Variants in GRIK4 observed in about 807,000 individuals in gnomAD.
The protein encoded by GRIK4 is glutamate receptor ionotropic, kainate 4.
Under a neutral mutation model 104.9 loss-of-function variants are expected in GRIK4, and 40 were observed. The ratio of observed to expected loss-of-function variants is 0.38; its 90% CI spans 0.30 to 0.50. The LOEUF (loss-of-function observed/expected upper bound fraction) is 0.50. Ranked by LOEUF, GRIK4 falls within the 20% of genes least tolerant of loss-of-function variation. The pLI is 0.93. For missense variants in GRIK4, 1,047 were observed against 1,308.1 expected (o/e 0.80, Z 3.08); for synonymous variants, 485 against 524.9 (o/e 0.92, Z 1.04).
At chr11:120,580,922 G>A (rs1387884649) in intron 1 of GRIK4, among the ~76,000 whole-genome samples, 2 of 152,086 alleles carry the variant, frequency 1.3e-5, no homozygotes, top group Non-Finnish European at 2.9e-5. Flanking sequence ...ATCCTCACTA[G>A]TATTATCCTT....
chr11:120,708,855 C>A lies in GRIK4; in HGVS notation c.82+48455C>A, dbSNP rs556482682. The stretch of plus-strand genomic sequence containing the variant: ...TTCTCTTCTGTCTCCCACCTCTTAC[C>A]CCCTCCCGTGCTGTTGGAGGTTGGT... On this transcript the variant is annotated intron_variant, in intron 3 of 20. Transcript: ENST00000527524. 3.9e-5 allele frequency among the ~76,000 whole-genome samples: 6 copies of A among 152,200 alleles called. No individual in the cohort carries two copies. In the East Asian group the frequency reaches 1.2e-3, roughly 29 times the overall value.
In GRIK4 at chr11:120,524,565, C is replaced by T. The variant is rs985537609; in HGVS notation, c.-159+12678C>T. ...GGCTCCAGGCACTTTACCCCCTCCT[C>T]GAACCCAGATGAGCCTGGCATCAAT... On this transcript the variant is annotated intron_variant, in intron 1 of 20. Coordinates refer to ENST00000527524, the MANE Select transcript of GRIK4 (RefSeq NM_014619.5). This position sits in a 1 kb window ranked among gnomAD's most constrained non-coding sequence, Gnocchi z 4.5. 4.6e-5 allele frequency among the ~76,000 whole-genome samples: 7 copies of T among 152,164 alleles called. No individual in the cohort carries two copies. Among genetic ancestry groups the T allele is most frequent in the Admixed American group, 1.3e-4 (2 of 15,282 alleles).
At chr11:120,593,694 G>A (rs1201404460) in intron 1 of GRIK4, among the ~76,000 whole-genome samples, 1 of 152,176 alleles carries the variant, frequency 6.6e-6, no homozygotes, top group Non-Finnish European at 1.5e-5. Context: ...CCTGAGTGCT[G>A]TTCTAGCAGT....
chr11:120,905,290 G>A lies in GRIK4; in HGVS notation c.1273G>A (p.Glu425Lys). The change falls in exon 13 of 21, where the codon GAG becomes AAG. Residue 425 changes from glutamate (E) to lysine (K), a missense_variant and splice_region_variant. This residue lies in a region of GRIK4 where 440 missense variants were observed against 652.3 expected (regional missense o/e 0.67). Coordinates refer to ENST00000527524, the MANE Select transcript of GRIK4 (RefSeq NM_014619.5). This position sits in a 1 kb window ranked among gnomAD's most constrained non-coding sequence, Gnocchi z 5.1. Reference protein sequence around the residue: ...NTTLVVTTILENPYLMLKGNH... With the variant: ...NTTLVVTTILKNPYLMLKGNH... ...TGACAGCTGCCCAGTTTTGCTGCAG[G>A]AGAACCCATATTTAATGCTGAAGGG... is the stretch of plus-strand genomic sequence containing the variant. 6.2e-7 allele frequency: 1 copy of A among 1,609,372 alleles called. No homozygotes were observed. The highest frequency in any genetic ancestry group is 8.5e-7 in the Non-Finnish European group (1 of 1,175,788).
Position 120,819,640 on chromosome 11 carries a change from G to A in GRIK4, c.346-115G>A, listed in dbSNP as rs1356484549. 7 of 916,720 alleles carry A rather than the reference G, an allele frequency of 7.6e-6. No individual in the cohort carries two copies. Among genetic ancestry groups the A allele is most frequent in the Non-Finnish European group, 1.0e-5 (6 of 574,968 alleles). The allele number at this position is 916,720 out of a possible 1,614,324, so 56.8% of individuals were successfully genotyped here. On this transcript the variant is annotated intron_variant, in intron 5 of 20. Transcript: ENST00000527524. This position sits in a 1 kb window ranked among gnomAD's most constrained non-coding sequence, Gnocchi z 4.3. ...GAGCTCCTTCTCCCATTGGTGTCTG[G>A]CGAAGGTGTTACATAAAAGAACTCA...
chr11:120,533,749 G>A (rs988190369), intron 1 of GRIK4, among the ~76,000 whole-genome samples: 1 of 152,116 alleles, frequency 6.6e-6, no homozygotes, highest in African/African-American at 2.4e-5. Flanking sequence ...GTGGTAGTGC[G>A]TGCCTGTAAT....
chr11:120,573,468 C>T (rs1948430569), intron 1 of GRIK4, among the ~76,000 whole-genome samples: 1 of 152,102 alleles, frequency 6.6e-6, no homozygotes, highest in South Asian at 2.1e-4. Flanking sequence ...TGTGATCACC[C>T]CCGCCACTGC....
intron 1 of GRIK4, among the ~76,000 whole-genome samples, chr11:120,580,781 A>G (rs566039496): frequency 6.6e-6 from 1 of 152,202 alleles, no homozygotes; most frequent in African/African-American, 2.4e-5. Flanking sequence ...TCTCTAGGGT[A>G]AATACTTAGG....
intron 3 of GRIK4, among the ~76,000 whole-genome samples, chr11:120,675,823 C>A (rs1950091044): frequency 6.6e-6 from 1 of 151,930 alleles, no homozygotes; most frequent in Non-Finnish European, 1.5e-5. Context: ...AGTAGGAAGC[C>A]CATAAATAAT....
intron 3 of GRIK4, among the ~76,000 whole-genome samples, chr11:120,786,464 T>C (rs1309311328): frequency 6.6e-6 from 1 of 152,174 alleles, no homozygotes; most frequent in Non-Finnish European, 1.5e-5. Context: ...TCCTGTCCAG[T>C]GGAAAAGGCC....
rs1212481752 is a variant in GRIK4, at chr11:120,987,166, CA to C, written c.*907del. The C allele has an allele frequency of 6.6e-6, 1 of 152,176 alleles. No homozygotes were observed. Among genetic ancestry groups the C allele is most frequent in the Non-Finnish European group, 1.5e-5 (1 of 68,038 alleles). 9.4% of individuals were successfully genotyped at this position (152,176 alleles called of 1,614,324 possible). A position where few individuals can be genotyped will look rare whatever the true frequency, so the allele number is the denominator to read the frequency against. ...TGTGAATGTAGTCTCTGAAGACAGA[CA>C]GGGGAGGAGAACAGAATGCACAAAG... On this transcript the variant is annotated 3_prime_UTR_variant, in exon 21 of 21. Transcript: ENST00000527524.
chr11:120,975,092 T>C (rs1944539135), intron 19 of GRIK4, among the ~76,000 whole-genome samples: 1 of 152,126 alleles, frequency 6.6e-6, no homozygotes, highest in Admixed American at 6.5e-5. Flanking sequence ...CAAAGGAACA[T>C]AAATACATCA....
At chr11:120,564,782 C>A (rs1948291870) in intron 1 of GRIK4, 1 of 152,382 alleles carries the variant, frequency 6.6e-6, no homozygotes, top group African/African-American at 2.4e-5. Flanking sequence ...GCAAGGACTG[C>A]GCCCAGCCTC....
At chr11:120,767,183 G>T in intron 3 of GRIK4, among the ~76,000 whole-genome samples, 1 of 152,004 alleles carries the variant, frequency 6.6e-6, no homozygotes, top group East Asian at 1.9e-4. Context: ...TGCACTAGAG[G>T]TCTCTTTTCT....
At chr11:120,909,894 T>C (rs78538826) in intron 13 of GRIK4, among the ~76,000 whole-genome samples, 1,909 of 152,308 alleles carry the variant, frequency 0.013, 47 homozygotes, top group African/African-American at 0.042. Context: ...AATGTGTCCC[T>C]CCAAAGTTCA....
chr11:120,549,229 G>GGCA lies in GRIK4; in HGVS notation c.-159+37342_-159+37343insGCA, dbSNP rs1948116013. ...TTCTACTGCCTCAGCCTCCCAAGTA[G>GGCA]CTGGGATTACAGGCACACGCCACTA... On this transcript the variant is annotated intron_variant, in intron 1 of 20. Transcript: ENST00000527524. The surrounding 1 kb of genome is among the most constrained non-coding windows in gnomAD (Gnocchi z 4.7). Among the ~76,000 whole-genome samples the GGCA allele has an allele frequency of 6.6e-6, 1 of 151,970 alleles. No homozygotes were observed. The highest frequency in any genetic ancestry group is 1.5e-5 in the Non-Finnish European group (1 of 67,984).
chr11:120,638,274 T>C lies in GRIK4; in HGVS notation c.-158-15411T>C, dbSNP rs1265056368. Among the ~76,000 whole-genome samples, 3 of 152,186 alleles carry C rather than the reference T, an allele frequency of 2.0e-5. No individual in the cohort carries two copies. In the East Asian group the frequency reaches 5.8e-4, roughly 29 times the overall value. ...CAAATACTGACCCACTTAAAACTCTTAACACTCTACAGAGAGGTAGAGTTA... is the reference window on the plus strand; with the variant it reads ...CAAATACTGACCCACTTAAAACTCTCAACACTCTACAGAGAGGTAGAGTTA... On this transcript the variant is annotated intron_variant, in intron 1 of 20. Coordinates refer to ENST00000527524, the MANE Select transcript of GRIK4 (RefSeq NM_014619.5).
chr11:120,847,391 G>T (rs969953588), intron 8 of GRIK4, among the ~76,000 whole-genome samples: 8 of 152,200 alleles, frequency 5.3e-5, no homozygotes, highest in Admixed American at 5.2e-4. Context: ...AAATCAGTGG[G>T]TTCAATAAAG....
At chr11:120,890,542 A>T (rs888147677) in intron 11 of GRIK4, among the ~76,000 whole-genome samples, 2 of 152,274 alleles carry the variant, frequency 1.3e-5, no homozygotes, top group Non-Finnish European at 2.9e-5. Flanking sequence ...CAGATGGTAT[A>T]GTAATAAATA....
Sources: allele counts gnomAD v4.1 joint callset (sites outside exome capture counted in the v4.1 genomes callset), GRCh38; gene constraint gnomAD v4.1.1; regional missense constraint gnomAD v4.1.1; non-coding constraint Gnocchi (gnomAD v3.1); transcripts MANE v1.5; gene names NCBI Gene and HGNC (gene_info 2026-07-23, HGNC 2026-07-21).